The following SORL1 variants were observed in gnomAD, a reference collection of about 807,000 sequenced individuals.
The protein encoded by SORL1 is sortilin-related receptor.
SORL1 carries 127 observed loss-of-function variants against 273.7 expected under a neutral mutation model. That is an observed-to-expected ratio of 0.46 (90% confidence interval 0.40 to 0.54). The LOEUF (loss-of-function observed/expected upper bound fraction) is 0.54, where lower values mean the gene tolerates loss of function less well. Among genes scored for constraint, SORL1 ranks in the 20% least tolerant of loss-of-function variants. The pLI is 0.00. For synonymous variants in SORL1, 1,031 were observed against 1,067.4 expected (o/e 0.97, Z 0.66); for missense variants, 2,494 against 2,846.1 (o/e 0.88, Z 2.81).
At chr11:121,585,229 A>G (rs1319543692) in intron 26 of SORL1, among the ~76,000 whole-genome samples, 1 of 152,166 alleles carries the variant, frequency 6.6e-6, no homozygotes, top group African/African-American at 2.4e-5. Context: ...CACGCCTGTA[A>G]TCCCAGCACT....
In SORL1 at chr11:121,611,113, T is replaced by G. The variant is rs1863557156; in HGVS notation, c.5277T>G (p.Gly1759=). Residue 1759 remains glycine, a synonymous_variant, in exon 39 of 48, where the codon GGT becomes GGG. Coordinates refer to ENST00000260197, the MANE Select transcript of SORL1 (RefSeq NM_003105.6). ...CAGATATCCACATTGACAGCTATGG[T>G]GAAAATTATCTAAGCTTCACCCTGA... The part of the protein sequence containing the change: ...PPPDIHIDSY[G]ENYLSFTLTM... The G allele has an allele frequency of 6.2e-7, 1 of 1,613,660 alleles. No homozygotes were observed. The highest frequency in any genetic ancestry group is 8.5e-7 in the Non-Finnish European group (1 of 1,179,698).
intron 21 of SORL1, among the ~76,000 whole-genome samples, chr11:121,565,121 C>T (rs533427237): frequency 1.3e-5 from 2 of 152,198 alleles, no homozygotes; most frequent in African/African-American, 2.4e-5. Flanking sequence ...GACTTCTGCT[C>T]TAGTCAGCTG....
chr11:121,586,742 A>G (rs1455396861), intron 27 of SORL1, among the ~76,000 whole-genome samples: 1 of 129,300 alleles, frequency 7.7e-6, no homozygotes, highest in Non-Finnish European at 1.6e-5. Flanking sequence ...GACCCTTTTT[A>G]TCTTCAGTTT....
chr11:121,523,079 A>C, intron 11 of SORL1, 90 bp downstream of exon 11: 1 of 881,974 alleles, frequency 1.1e-6, no homozygotes, highest in Non-Finnish European at 1.9e-6. Context: ...AGGGACACAA[A>C]TGGTCCATGG....
rs1458916654 is a variant in SORL1 at position 121,599,648 on chromosome 11, TTCA to T, written c.4519+3877_4519+3879del. On this transcript the variant is annotated intron_variant, in intron 32 of 47. Transcript: ENST00000260197. The stretch of plus-strand genomic sequence containing the variant: ...TCTTTCTCATTTCTTTGTCATGTCT[TTCA>T]GTTGTAAGGTTGAGCTTTGTCATTT... Among the ~76,000 whole-genome samples the T allele has an allele frequency of 3.9e-5, 6 of 152,348 alleles. No homozygotes were observed. The South Asian group carries it at 1.0e-3, about 26-fold the overall frequency.
At chr11:121,564,399 G>C (rs561943656) in intron 21 of SORL1, among the ~76,000 whole-genome samples, 1 of 152,074 alleles carries the variant, frequency 6.6e-6, no homozygotes, top group Non-Finnish European at 1.5e-5. Context: ...TTTCTGCCTA[G>C]ATCAGCCTCC....
chr11:121,532,606 G>A (rs1053563546), intron 12 of SORL1, 54 bp downstream of exon 12: 24 of 1,422,894 alleles, frequency 1.7e-5, no homozygotes, highest in South Asian at 4.7e-5. Context: ...AGAAATTTAC[G>A]TCTGTGATTA....
chr11:121,517,124 G>A (rs1298610642), intron 8 of SORL1, among the ~76,000 whole-genome samples: 2 of 152,128 alleles, frequency 1.3e-5, no homozygotes, highest in East Asian at 3.9e-4. Flanking sequence ...GGGCAATTCA[G>A]TGGCATTCAA....
intron 6 of SORL1, among the ~76,000 whole-genome samples, chr11:121,507,062 G>A (rs1241728072): frequency 6.6e-6 from 1 of 152,096 alleles, no homozygotes. Flanking sequence ...CTTCAGTAGT[G>A]TACAAAATCT....
chr11:121,589,589 G>A (rs1413989762), intron 29 of SORL1, among the ~76,000 whole-genome samples, 199 bp downstream of exon 29: 8 of 152,196 alleles, frequency 5.3e-5, no homozygotes, highest in African/African-American at 1.9e-4. Context: ...CTAGGGAAAA[G>A]TTTATTTGAT....
rs113677285 is a variant in SORL1 at position 121,535,019 on chromosome 11, G to A, written c.1685+2467G>A. On this transcript the variant is annotated intron_variant, in intron 12 of 47. Transcript: ENST00000260197. Reference sequence around the variant, plus strand: ...AGGTAAATATTTCTGCTCGATGTAGGTTACCAGGCACTTAGCAAATATTTG... The same window carrying A: ...AGGTAAATATTTCTGCTCGATGTAGATTACCAGGCACTTAGCAAATATTTG... Among the ~76,000 whole-genome samples, 1,388 of 152,204 alleles carry A rather than the reference G, an allele frequency of 9.1e-3. 6 individuals are homozygous for A. The highest frequency in any genetic ancestry group is 0.014 in the Non-Finnish European group (985 of 68,018).
In SORL1 at chr11:121,627,793, C is replaced by G. The variant is rs1409145469; in HGVS notation, c.6577+26C>G. ...GTAAGTGGGGCAGGGAGAGTCGGTT[C>G]TTCCTCCCAGGGCTGACCCCCACGC... is the stretch of plus-strand genomic sequence containing the variant. On this transcript the variant is annotated intron_variant, in intron 47 of 47. Coordinates refer to ENST00000260197, the MANE Select transcript of SORL1 (RefSeq NM_003105.6). This position sits in a 1 kb window ranked among gnomAD's most constrained non-coding sequence, Gnocchi z 4.9. 34 of 1,569,850 alleles carry G rather than the reference C, an allele frequency of 2.2e-5. No individual in the cohort carries two copies. The highest frequency in any genetic ancestry group is 3.0e-5 in the Non-Finnish European group (34 of 1,144,624).
At chr11:121,536,937 G>T (rs558423670) in intron 12 of SORL1, among the ~76,000 whole-genome samples, 2 of 152,256 alleles carry the variant, frequency 1.3e-5, no homozygotes, top group African/African-American at 4.8e-5. Flanking sequence ...TATGGAGAGC[G>T]CTGGGTGCGG....
At chr11:121,618,724 G>C in intron 41 of SORL1, 50 bp from the exon 42 acceptor site, 1 of 1,610,896 alleles carries the variant, frequency 6.2e-7, no homozygotes, top group Non-Finnish European at 8.5e-7. Flanking sequence ...AAGGAAATGA[G>C]ATCATCGGCC....
At chr11:121,469,289 G>A (rs1861135839) in intron 1 of SORL1, among the ~76,000 whole-genome samples, 1 of 152,234 alleles carries the variant, frequency 6.6e-6, no homozygotes, top group Non-Finnish European at 1.5e-5. Flanking sequence ...GCCTGGACCA[G>A]AGTCTGCGGT....
In SORL1 at chr11:121,586,705, CGG is replaced by C. The variant is rs55663874; in HGVS notation, c.3814+385_3814+386del. ...ACTGGGGGTAGAGTGGGGGGGGGGG[CGG>C]GGGGGGGGCATTTTTAGGCCAGATG... On this transcript the variant is annotated intron_variant, in intron 27 of 47. Coordinates refer to ENST00000260197, the MANE Select transcript of SORL1 (RefSeq NM_003105.6). Among the ~76,000 whole-genome samples the C allele has an allele frequency of 3.7e-4, 38 of 102,198 alleles. 2 individuals carry two copies. The highest frequency in any genetic ancestry group is 7.4e-4 in the East Asian group (2 of 2,692). The allele number at this position is 102,198 out of a possible 152,430, so 67.0% of individuals were successfully genotyped here.
At chr11:121,461,990 A>G (rs753933216) in intron 1 of SORL1, among the ~76,000 whole-genome samples, 1 of 152,198 alleles carries the variant, frequency 6.6e-6, no homozygotes, top group Non-Finnish European at 1.5e-5. Context: ...GGGGAAGATA[A>G]GAATGATTAT....
chr11:121,611,240 G>GA (rs1309523328), intron 39 of SORL1, 82 bp downstream of exon 39: 6 of 918,628 alleles, frequency 6.5e-6, no homozygotes, highest in East Asian at 5.5e-5. Flanking sequence ...AGTAAGACTG[G>GA]AAAAAAACAA....
intron 11 of SORL1, among the ~76,000 whole-genome samples, chr11:121,527,986 A>T (rs1862147404): frequency 6.8e-6 from 1 of 146,758 alleles, no homozygotes; most frequent in African/African-American, 2.5e-5. Flanking sequence ...TTTTTCCCTT[A>T]TTTGTTTTGT....
Sources: gnomAD v4.1 joint callset for allele counts (sites outside exome capture counted in the v4.1 genomes callset) on GRCh38, gnomAD v4.1.1 for gene constraint, Gnocchi (gnomAD v3.1) non-coding constraint, MANE v1.5 for transcripts, NCBI Gene and HGNC (gene_info 2026-07-23, HGNC 2026-07-21) for gene names.